Variants in CYP24A1 observed in about 807,000 individuals in gnomAD.
CYP24A1 encodes cytochrome P450 family 24 subfamily A member 1.
Under a neutral mutation model 62.4 loss-of-function variants are expected in CYP24A1, and 68 were observed. The ratio of observed to expected loss-of-function variants is 1.09; its 90% CI spans 0.90 to 1.33. CYP24A1 has a LOEUF of 1.33. CYP24A1 is among the 40% of genes most tolerant of loss of function. CYP24A1 has a pLI of 0.00. For missense variants in CYP24A1, 787 were observed against 653.0 expected (o/e 1.21, Z -2.24); for synonymous variants, 267 against 253.0 (o/e 1.06, Z -0.52).
chr20:54,165,104 CA>C (rs986386819), intron 5 of CYP24A1, among the ~76,000 whole-genome samples: 3 of 152,164 alleles, frequency 2.0e-5, no homozygotes, highest in African/African-American at 7.2e-5. Context: ...TGCATATATC[CA>C]GGGGTCCCCA....
chr20:54,170,394 C>G (rs973701149), intron 3 of CYP24A1, among the ~76,000 whole-genome samples: 25 of 152,132 alleles, frequency 1.6e-4, no homozygotes. Flanking sequence ...GATGAGAAAG[C>G]TGAGGCTTAA....
rs779869928 is a variant in CYP24A1, at chr20:54,159,028, C to T, written c.1086G>A (p.Glu362=). 4 of 1,614,046 alleles carry T rather than the reference C, an allele frequency of 2.5e-6. No individual in the cohort carries two copies. The highest frequency in any genetic ancestry group is 3.4e-6 in the Non-Finnish European group (4 of 1,179,906). The change falls in exon 8 of 12, where the codon GAG becomes GAA. Residue 362 remains glutamate (E), a synonymous_variant. Coordinates refer to ENST00000216862, the MANE Select transcript of CYP24A1 (RefSeq NM_000782.5). ...AATCTTCTGCCCGTGGCACCTGATT[C>T]TCAGGTAATACACTTTGAATTTCCT... ...LLKEIQSVLP[E]NQVPRAEDLR...
chr20:54,162,372 C>T (rs2092654484), intron 7 of CYP24A1, among the ~76,000 whole-genome samples: 1 of 151,316 alleles, frequency 6.6e-6, no homozygotes, highest in Non-Finnish European at 1.5e-5. Context: ...CTTTACTGCT[C>T]CTGAACTCCC....
intron 4 of CYP24A1, among the ~76,000 whole-genome samples, chr20:54,167,950 T>A (rs2092678155): frequency 6.6e-6 from 1 of 152,172 alleles, no homozygotes; most frequent in African/African-American, 2.4e-5. Context: ...CAGCTCCCGG[T>A]TACTTACAGG....
At chr20:54,167,534 G>A (rs1222092069) in intron 4 of CYP24A1, among the ~76,000 whole-genome samples, 3 of 152,170 alleles carry the variant, frequency 2.0e-5, no homozygotes, top group African/African-American at 7.2e-5. Flanking sequence ...CACTTTGGGA[G>A]GCTGAGGTAA....
intron 4 of CYP24A1, among the ~76,000 whole-genome samples, chr20:54,169,072 A>AT (rs2092684804): frequency 1.3e-5 from 2 of 151,010 alleles, no homozygotes; most frequent in Non-Finnish European, 3.0e-5. Context: ...TAATTTTTGT[A>AT]TTTTTTGTAG....
the CYP24A1 span, among the ~76,000 whole-genome samples, chr20:54,144,662 A>G: frequency 6.7e-6 from 1 of 148,586 alleles, no homozygotes; most frequent in Non-Finnish European, 1.5e-5. Flanking sequence ...TAACTAATAT[A>G]TTAATATATA....
chr20:54,160,230 G>T (rs751089), intron 7 of CYP24A1, among the ~76,000 whole-genome samples: 44,060 of 152,156 alleles, frequency 0.29, 7,267 homozygotes, highest in East Asian at 0.61. Flanking sequence ...TTCTGACAAA[G>T]GCCCACACCC....
chr20:54,144,749 C>T, the CYP24A1 span, among the ~76,000 whole-genome samples: 2 of 151,028 alleles, frequency 1.3e-5, no homozygotes, highest in African/African-American at 2.4e-5. Context: ...AATTATGTAG[C>T]CAGACCTGTA....
the CYP24A1 span, among the ~76,000 whole-genome samples, chr20:54,145,868 A>G: frequency 2.0e-5 from 3 of 152,228 alleles, no homozygotes; most frequent in Non-Finnish European, 1.5e-5. Flanking sequence ...GCCTCATAAA[A>G]TATCATTCAC....
chr20:54,171,688 A>C lies in CYP24A1; in HGVS notation c.450-18T>G, dbSNP rs371129876. 6.2e-7 allele frequency: 1 copy of C among 1,614,022 alleles called. No individual in the cohort carries two copies. Among genetic ancestry groups the C allele is most frequent in the Non-Finnish European group, 8.5e-7 (1 of 1,179,928 alleles). On this transcript the variant is annotated intron_variant, in intron 2 of 11. Transcript: ENST00000216862. ...CCCCTTCCCTGTGAGAGAAGCAGGA[A>C]TACATTTAGAGCACACTGAAAAGAA...
Position 54,173,380 on chromosome 20 carries a change from A to AGCTGGTGGGGCCC in CYP24A1, c.199_200insGGGCCCCACCAGC (p.Leu67ArgfsTer43). 1.3e-6 allele frequency: 2 copies of AGCTGGTGGGGCCC among 1,596,524 alleles called. No homozygotes were observed. Among genetic ancestry groups the AGCTGGTGGGGCCC allele is most frequent in the South Asian group, 2.3e-5 (2 of 88,698 alleles). ...CCAGAGAATCTGCAGCAGGCTGCCC[A>AGCTGGTGGGGCCC]GCAGTGGCCAGCTGGTGGGGCCCGG... On this transcript the variant is annotated frameshift_variant, in exon 1 of 12. Coordinates refer to ENST00000216862, the MANE Select transcript of CYP24A1 (RefSeq NM_000782.5). LOFTEE classifies it high-confidence loss of function. The surrounding 1 kb of genome is among the most constrained non-coding windows in gnomAD (Gnocchi z 7.2).
chr20:54,171,699 G>A (rs1272781052), intron 2 of CYP24A1, 29 bp from the exon 3 acceptor site: 1 of 1,613,868 alleles, frequency 6.2e-7, no homozygotes, highest in Non-Finnish European at 8.5e-7. Context: ...TACATTTAGA[G>A]CACACTGAAA....
At chr20:54,170,238 C>T (rs1179573985) in intron 3 of CYP24A1, among the ~76,000 whole-genome samples, 1 of 152,200 alleles carries the variant, frequency 6.6e-6, no homozygotes, top group Non-Finnish European at 1.5e-5. Context: ...CTTTGGATGC[C>T]AGTTTCATAA....
rs1210948524 is a variant in CYP24A1 at position 54,169,602 on chromosome 20, C to T, written c.630G>A (p.Trp210Ter). 6.2e-7 allele frequency: 1 copy of T among 1,614,176 alleles called. No homozygotes were observed. Among genetic ancestry groups the T allele is most frequent in the South Asian group, 1.1e-5 (1 of 91,090 alleles). Residue 210 changes from tryptophan to a stop codon, truncating the protein, a stop_gained, in exon 4 of 12, where the codon TGG (tryptophan) becomes TGA (stop). Transcript: ENST00000216862. LOFTEE classifies it high-confidence loss of function. The part of the protein sequence containing the change: ...VEDLYSELNK[W>*]SFESICLVLY... ...GTGACGACAACTTACTTTCAAACGA[C>T]CATTTGTTCAGTTCGCTGTACAAGT...
intron 4 of CYP24A1, 133 bp from the exon 5 acceptor site, chr20:54,165,966 A>G: frequency 5.6e-6 from 4 of 713,834 alleles, no homozygotes; most frequent in Non-Finnish European, 7.4e-6. Context: ...GCAACAGTCC[A>G]AGAATATTGA....
In CYP24A1 at chr20:54,173,347, C is replaced by T. The variant is rs755808640; in HGVS notation, c.233G>A (p.Gly78Asp). The T allele has an allele frequency of 1.9e-6, 3 of 1,607,514 alleles. No homozygotes were observed. The highest frequency in any genetic ancestry group is 1.7e-5 in the Admixed American group (1 of 59,432). ...GSLLQILWKG[G>D]LKKQHDTLVE... is the part of the protein sequence containing the mutation. The stretch of plus-strand genomic sequence containing the variant: ...CAGGGTGTCGTGCTGTTTCTTGAGA[C>T]CCCCTTTCCAGAGAATCTGCAGCAG... Residue 78 changes from glycine to aspartate, a missense_variant, in exon 1 of 12, where the codon GGT becomes GAT. Gly to Asp is a moderately conservative substitution (Grantham distance 94). Transcript: ENST00000216862. The surrounding 1 kb of genome is among the most constrained non-coding windows in gnomAD (Gnocchi z 7.2).
At chr20:54,148,878 G>T (rs2092608460), downstream of CYP24A1, among the ~76,000 whole-genome samples, 1 of 152,154 alleles carries the variant, frequency 6.6e-6, no homozygotes, top group Non-Finnish European at 1.5e-5. Flanking sequence ...AGGCCGATGT[G>T]GGCAGATCAC....
At chr20:54,149,074 CT>C (rs1367663917), downstream of CYP24A1, among the ~76,000 whole-genome samples, 5 of 152,066 alleles carry the variant, frequency 3.3e-5, no homozygotes, top group Non-Finnish European at 7.4e-5. Context: ...TGGTTTGCCC[CT>C]GTACCCATGA....
Sources: allele counts gnomAD v4.1 joint callset (sites outside exome capture counted in the v4.1 genomes callset), GRCh38; gene constraint gnomAD v4.1.1; non-coding constraint Gnocchi (gnomAD v3.1); transcripts MANE v1.5; gene names NCBI Gene and HGNC (gene_info 2026-07-23, HGNC 2026-07-21).